Variants in PRR16 observed in about 807,000 individuals in gnomAD.
PRR16 encodes the protein proline rich 16, also known as protein Largen.
A neutral mutation model predicts 18.2 loss-of-function variants in PRR16; 6 were observed. That is an observed-to-expected ratio of 0.33 (90% CI 0.18 to 0.65). The LOEUF (loss-of-function observed/expected upper bound fraction) is 0.65, where lower values mean the gene tolerates loss of function less well. Ranked by LOEUF, PRR16 falls within the 30% of genes least tolerant of loss-of-function variation. PRR16 has a pLI of 0.74. For synonymous variants in PRR16, 151 were observed against 147.8 expected (o/e 1.02, Z -0.16); for missense variants, 412 against 376.6 (o/e 1.09, Z -0.78).
chr5:120,663,608 T>G (rs1175346598), intron 1 of PRR16, among the ~76,000 whole-genome samples: 3 of 152,206 alleles, frequency 2.0e-5, no homozygotes, highest in Non-Finnish European at 2.9e-5. Context: ...GACTTTGTAC[T>G]TTAGCTCAAG....
At chr5:120,740,043 A>G in the PRR16 span, among the ~76,000 whole-genome samples, 5 of 152,178 alleles carry the variant, frequency 3.3e-5, no homozygotes, top group Admixed American at 2.0e-4. Context: ...CTATTATTCA[A>G]TGTTTGAAGT....
chr5:120,582,974 T>C (rs1353977082), intron 1 of PRR16, among the ~76,000 whole-genome samples: 1 of 152,238 alleles, frequency 6.6e-6, no homozygotes, highest in East Asian at 1.9e-4. Context: ...ATATTGAAGG[T>C]TGAAATTATC....
chr5:120,700,037 G>T, the PRR16 span, among the ~76,000 whole-genome samples: 642 of 152,258 alleles, frequency 4.2e-3, 4 homozygotes, highest in Middle Eastern at 0.014. Context: ...AGGCTGGGAT[G>T]AAGGGTACAA....
At chr5:120,479,825 T>C (rs2601211) in intron 1 of PRR16, among the ~76,000 whole-genome samples, 46,811 of 151,916 alleles carry the variant, frequency 0.31, 8,303 homozygotes, top group African/African-American at 0.49. Context: ...TAAGTAACTT[T>C]GATACCTACT....
intron 1 of PRR16, among the ~76,000 whole-genome samples, chr5:120,567,349 G>A (rs1247301567): frequency 6.6e-6 from 1 of 152,058 alleles, no homozygotes; most frequent in Non-Finnish European, 1.5e-5. Flanking sequence ...CTGGACGTTG[G>A]CTTGGCTCTT....
intron 1 of PRR16, among the ~76,000 whole-genome samples, chr5:120,482,271 T>G (rs1327835940): frequency 6.6e-6 from 1 of 152,168 alleles, no homozygotes; most frequent in Non-Finnish European, 1.5e-5. Flanking sequence ...TTTTCAACAC[T>G]TTTCCCGCTT....
intron 1 of PRR16, among the ~76,000 whole-genome samples, chr5:120,495,512 A>G (rs1395750213): frequency 6.6e-6 from 1 of 152,124 alleles, no homozygotes; most frequent in Non-Finnish European, 1.5e-5. Flanking sequence ...ATGTGGATTC[A>G]AAATAGTGCT....
chr5:120,763,120 G>C, the PRR16 span, among the ~76,000 whole-genome samples: 72 of 151,336 alleles, frequency 4.8e-4, no homozygotes, highest in African/African-American at 1.6e-3. Context: ...TGTTTATTCT[G>C]TTCCTTTTGT....
chr5:120,524,334 G>A (rs886158443), intron 1 of PRR16, among the ~76,000 whole-genome samples: 8 of 152,136 alleles, frequency 5.3e-5, no homozygotes, highest in East Asian at 3.9e-4. Flanking sequence ...TTGAAATCAC[G>A]CCTTTCTTTT....
At chr5:120,698,222 G>T in the PRR16 span, among the ~76,000 whole-genome samples, 2 of 152,060 alleles carry the variant, frequency 1.3e-5, no homozygotes, top group African/African-American at 2.4e-5. Flanking sequence ...GGAAGATTTT[G>T]TGGTAAGGGG....
chr5:120,714,552 A>T, the PRR16 span, among the ~76,000 whole-genome samples: 1 of 151,258 alleles, frequency 6.6e-6, no homozygotes, highest in African/African-American at 2.4e-5. Context: ...AATATTAATT[A>T]GTTCAACCAT....
At chr5:120,738,969 A>G in the PRR16 span, among the ~76,000 whole-genome samples, 1 of 152,144 alleles carries the variant, frequency 6.6e-6, no homozygotes, top group East Asian at 1.9e-4. Flanking sequence ...TGCATAGAAA[A>G]CTATCATTTA....
intron 1 of PRR16, among the ~76,000 whole-genome samples, chr5:120,598,680 A>G (rs910134181): frequency 6.6e-6 from 1 of 151,662 alleles, no homozygotes; most frequent in African/African-American, 2.4e-5. Context: ...ATATGTATGG[A>G]GTATTTGGTT....
At chr5:120,521,255 T>A (rs1751170460) in intron 1 of PRR16, among the ~76,000 whole-genome samples, 1 of 152,102 alleles carries the variant, frequency 6.6e-6, no homozygotes, top group African/African-American at 2.4e-5. Flanking sequence ...TGTTTTTTTT[T>A]AATGTATGTT....
At chr5:120,725,249 C>G in the PRR16 span, among the ~76,000 whole-genome samples, 1 of 150,588 alleles carries the variant, frequency 6.6e-6, no homozygotes, top group African/African-American at 2.4e-5. Flanking sequence ...ATATGATTAA[C>G]TTAAGTCTCA....
intron 1 of PRR16, among the ~76,000 whole-genome samples, chr5:120,666,658 T>C (rs1756388425): frequency 6.6e-6 from 1 of 151,824 alleles, no homozygotes; most frequent in Admixed American, 6.6e-5. Flanking sequence ...ATTGAGAGTT[T>C]TTAGCATGAA....
the PRR16 span, among the ~76,000 whole-genome samples, chr5:120,744,851 G>T: frequency 6.6e-6 from 1 of 152,154 alleles, no homozygotes; most frequent in Non-Finnish European, 1.5e-5. Flanking sequence ...TCAATGGGGG[G>T]TAAAGTGGGA....
chr5:120,574,499 G>A (rs1753011644), intron 1 of PRR16, among the ~76,000 whole-genome samples: 3 of 152,148 alleles, frequency 2.0e-5, no homozygotes, highest in South Asian at 4.2e-4. Flanking sequence ...AGCTACTTGG[G>A]AGCCTGAGGC....
At chr5:120,775,976 C>T in the PRR16 span, among the ~76,000 whole-genome samples, 1 of 151,744 alleles carries the variant, frequency 6.6e-6, no homozygotes, top group Non-Finnish European at 1.5e-5. Flanking sequence ...AGCTTACTTT[C>T]CAGATAAAAA....
Sources: allele counts gnomAD v4.1 joint callset (sites outside exome capture counted in the v4.1 genomes callset), GRCh38; gene constraint gnomAD v4.1.1; transcripts MANE v1.5; gene names NCBI Gene and HGNC (gene_info 2026-07-23, HGNC 2026-07-21).